The following THUMPD2 variants were observed in gnomAD, a reference collection of about 807,000 sequenced individuals.
THUMPD2 encodes the protein THUMP domain 2 tRNA and snRNA guanosine methyltransferase, also known as U6 snRNA (guanine-N(2))-methyltransferase THUMPD2.
A neutral mutation model predicts 49.4 loss-of-function variants in THUMPD2; 56 were observed. The ratio of observed to expected loss-of-function variants is 1.13; its 90% CI spans 0.91 to 1.41. The LOEUF is 1.41. Among genes scored for constraint, THUMPD2 ranks in the 40% most tolerant of loss-of-function variants. The probability of loss-of-function intolerance (pLI) is 0.00; values close to 1 mark genes in which losing one functional copy is unlikely to be tolerated. For synonymous variants in THUMPD2, 237 were observed against 205.2 expected, an observed-to-expected ratio of 1.15 and a Z score of -1.32; for missense variants, 709 against 594.5, an observed-to-expected ratio of 1.19 and a Z score of -2.00.
chr2:39,753,164 TCTC>T (rs1427774969), intron 8 of THUMPD2, among the ~76,000 whole-genome samples: 1 of 152,138 alleles, frequency 6.6e-6, no homozygotes, highest in Non-Finnish European at 1.5e-5. Context: ...ATTTCTATGC[TCTC>T]CTCATTAGCC....
chr2:39,747,058 A>G (rs1186682424), intron 8 of THUMPD2, among the ~76,000 whole-genome samples: 5 of 152,196 alleles, frequency 3.3e-5, no homozygotes, highest in Admixed American at 1.3e-4. Flanking sequence ...TGGATTAAAT[A>G]CTTTTCCCCA....
At chr2:39,742,540 C>G (rs548468763) in intron 9 of THUMPD2, among the ~76,000 whole-genome samples, 1 of 152,312 alleles carries the variant, frequency 6.6e-6, no homozygotes, top group South Asian at 2.1e-4. Context: ...TGTAGAGGTG[C>G]TATAATATGC....
In THUMPD2 at chr2:39,770,060, C is replaced by A; in HGVS notation, c.322G>T (p.Ala108Ser). The part of the protein sequence containing the change: ...INEDPGSWLN[A>S]ISIWKNLLEL... Reference sequence around the variant, plus strand: ...AGAAGATTTTTCCAAATTGAAATGGCATTCAACCAACTTCCTGGATCTTCA... The same window carrying A: ...AGAAGATTTTTCCAAATTGAAATGGAATTCAACCAACTTCCTGGATCTTCA... The change falls in exon 3 of 10, where the codon GCC becomes TCC. Residue 108 changes from alanine (A) to serine (S), a missense_variant. Transcript: ENST00000505747. 1 of 1,559,526 alleles carries A rather than the reference C, an allele frequency of 6.4e-7. No homozygotes were observed. The highest frequency in any genetic ancestry group is 1.4e-5 in the African/African-American group (1 of 71,586).
chr2:39,778,986 G>A, intron 1 of THUMPD2, 128 bp downstream of exon 1: 3 of 1,226,310 alleles, frequency 2.4e-6, no homozygotes, highest in Non-Finnish European at 3.2e-6. Flanking sequence ...TCAACCTCGG[G>A]GGTCGGCGAC....
intron 4 of THUMPD2, among the ~76,000 whole-genome samples, chr2:39,767,620 A>AAG (rs1558530242): frequency 6.7e-6 from 1 of 149,564 alleles, no homozygotes; most frequent in African/African-American, 2.5e-5. Context: ...AAAAAAAAAA[A>AAG]AAGAATTGGA....
intron 1 of THUMPD2, 114 bp downstream of exon 1, chr2:39,779,000 C>G (rs374686617): frequency 2.3e-6 from 3 of 1,287,758 alleles, no homozygotes; most frequent in East Asian, 3.2e-5. Flanking sequence ...CGGCGACCGT[C>G]GCGTGGAACA....
intron 6 of THUMPD2, 32 bp from the exon 7 acceptor site, chr2:39,755,992 A>T: frequency 6.3e-7 from 1 of 1,584,440 alleles, no homozygotes; most frequent in Non-Finnish European, 8.7e-7. Flanking sequence ...TGGTATTATT[A>T]AGACTACCAT....
chr2:39,768,445 G>C lies in THUMPD2; in HGVS notation c.729C>G (p.Asp243Glu), dbSNP rs1285881854. 3.0e-5 allele frequency: 49 copies of C among 1,612,664 alleles called. No individual in the cohort carries two copies. Among genetic ancestry groups the C allele is most frequent in the Non-Finnish European group, 4.2e-5 (49 of 1,179,434 alleles). ...AIMKHFGWKA[D>E]LRNPQLEIFI... ...TTACCTCTAATTGTGGATTCCTCAA[G>C]TCTGCTTTCCATCCAAAGTGTTTCA... The change falls in exon 4 of 10, where the codon GAC becomes GAG. Residue 243 changes from aspartate to glutamate, a missense_variant. Asp to Glu is a conservative substitution (Grantham distance 45). Coordinates refer to ENST00000505747, the MANE Select transcript of THUMPD2 (RefSeq NM_025264.5).
At chr2:39,744,569 T>G (rs1003732972) in intron 8 of THUMPD2, 91 bp from the exon 9 acceptor site, 2 of 800,090 alleles carry the variant, frequency 2.5e-6, no homozygotes, top group African/African-American at 3.7e-5. Context: ...AGGATTATTT[T>G]TGCGTAACAG....
intron 8 of THUMPD2, among the ~76,000 whole-genome samples, chr2:39,745,502 T>A (rs1302203060): frequency 6.6e-6 from 1 of 152,192 alleles, no homozygotes; most frequent in Non-Finnish European, 1.5e-5. Flanking sequence ...ATAGTACACA[T>A]CCATTTACAA....
At position 39,764,095 on chromosome 2, in the gene THUMPD2, C is replaced by G. The variant is rs115494686; in HGVS notation, c.803+1962G>C. On this transcript the variant is annotated intron_variant, in intron 5 of 9. Transcript: ENST00000505747. ...CTTTCTTATTGCTTTCAAGTCTCCT[C>G]TTAGGGACAATCCTTTATCTTTCTG... 1.4e-3 allele frequency among the ~76,000 whole-genome samples: 217 copies of G among 152,348 alleles called. 1 individual carries two copies. Among genetic ancestry groups the G allele is most frequent in the African/African-American group, 5.0e-3 (207 of 41,584 alleles).
In THUMPD2 at chr2:39,779,257, C is replaced by A. The variant is rs530520779; in HGVS notation, c.-18G>T. On this transcript the variant is annotated 5_prime_UTR_variant, in exon 1 of 10. The change creates a new upstream start codon in the 5' untranslated region. Transcript: ENST00000505747. ...TCCGACATGGCGGCTCAGGCGCGCCCTCGCGCCTTCGGGTCACGTGGCCTC... is the reference window on the plus strand; with the variant it reads ...TCCGACATGGCGGCTCAGGCGCGCCATCGCGCCTTCGGGTCACGTGGCCTC... 6.8e-7 allele frequency: 1 copy of A among 1,465,228 alleles called. No individual in the cohort carries two copies. The highest frequency in any genetic ancestry group is 9.0e-7 in the Non-Finnish European group (1 of 1,115,968). 90.8% of individuals were successfully genotyped at this position (1,465,228 alleles called of 1,614,324 possible).
At chr2:39,744,334 G>A (rs1401712491) in intron 9 of THUMPD2, 36 bp downstream of exon 9, 1 of 1,371,618 alleles carries the variant, frequency 7.3e-7, no homozygotes, top group Non-Finnish European at 1.0e-6. Flanking sequence ...ATGCCCAGTA[G>A]CTAAAAAAAT....
At chr2:39,761,493 A>C (rs868775601) in intron 5 of THUMPD2, 75 bp from the exon 6 acceptor site, 1 of 1,318,774 alleles carries the variant, frequency 7.6e-7, no homozygotes, top group African/African-American at 1.4e-5. Context: ...ACCTGTCCAA[A>C]TCTGAGAATC....
intron 5 of THUMPD2, among the ~76,000 whole-genome samples, chr2:39,761,745 T>G (rs896616952): frequency 6.6e-6 from 1 of 152,178 alleles, no homozygotes; most frequent in African/African-American, 2.4e-5. Context: ...GAGTAGACCT[T>G]TTTTTGCTAT....
chr2:39,761,139 C>G (rs1222705968), intron 6 of THUMPD2, among the ~76,000 whole-genome samples, 192 bp downstream of exon 6: 6 of 152,024 alleles, frequency 3.9e-5, no homozygotes, highest in African/African-American at 1.4e-4. Context: ...CCAAAATACT[C>G]TCAGAAGTTC....
In THUMPD2 at chr2:39,755,541, G is replaced by C; in HGVS notation, c.964-132C>G. On this transcript the variant is annotated intron_variant, in intron 7 of 9. Coordinates refer to ENST00000505747, the MANE Select transcript of THUMPD2 (RefSeq NM_025264.5). ...TTAAATTCAGGTCAAAACACATTTAGGGTATTCTTTTAAAATCATAGTAGC... is the reference window on the plus strand; with the variant it reads ...TTAAATTCAGGTCAAAACACATTTACGGTATTCTTTTAAAATCATAGTAGC... 3 of 617,234 alleles carry C rather than the reference G, an allele frequency of 4.9e-6. No individual in the cohort carries two copies. The South Asian group carries it at 7.9e-5, about 16-fold the overall frequency. The allele number at this position is 617,234 out of a possible 1,614,324, so 38.2% of individuals were successfully genotyped here. A position where few individuals can be genotyped will look rare whatever the true frequency, so the allele number is the denominator to read the frequency against.
intron 8 of THUMPD2, among the ~76,000 whole-genome samples, 196 bp downstream of exon 8, chr2:39,755,099 T>C (rs1389907378): frequency 1.3e-5 from 2 of 152,154 alleles, no homozygotes; most frequent in Non-Finnish European, 1.5e-5. Flanking sequence ...ACGAAAACTA[T>C]AGAATTGTTG....
At position 39,755,925 on chromosome 2, in the gene THUMPD2, A is replaced by T. The variant is rs763397299; in HGVS notation, c.927T>A (p.Leu309=). 16 of 1,613,920 alleles carry T rather than the reference A, an allele frequency of 9.9e-6. No homozygotes were observed. Among genetic ancestry groups the T allele is most frequent in the East Asian group, 2.2e-5 (1 of 44,836 alleles). Reference sequence around the variant, plus strand: ...TAGCAGCTTCCAAAAGTATTGTTCCAAGTCCACACATTGGATCTAAAACAA... The same window carrying T: ...TAGCAGCTTCCAAAAGTATTGTTCCTAGTCCACACATTGGATCTAAAACAA... ...GAFVLDPMCG[L]GTILLEAAKE... Residue 309 remains leucine, a synonymous_variant, in exon 7 of 10, where the codon CTT becomes CTA. Coordinates refer to ENST00000505747, the MANE Select transcript of THUMPD2 (RefSeq NM_025264.5).
Sources: gnomAD v4.1 joint callset for allele counts (sites outside exome capture counted in the v4.1 genomes callset) on GRCh38, gnomAD v4.1.1 for gene constraint, MANE v1.5 for transcripts, NCBI Gene and HGNC (gene_info 2026-07-23, HGNC 2026-07-21) for gene names.